The following CRISPLD2 variants were observed in gnomAD, a reference collection of about 807,000 sequenced individuals.
CRISPLD2 encodes the protein cysteine rich secretory protein LCCL domain containing 2.
In CRISPLD2, 47 loss-of-function variants were observed where a neutral mutation model predicts 71.1. The ratio of observed to expected loss-of-function variants is 0.66; its 90% CI spans 0.52 to 0.84. The LOEUF (loss-of-function observed/expected upper bound fraction) is 0.84. CRISPLD2 is among the 40% of genes least tolerant of loss of function. The pLI is 0.00. For missense variants in CRISPLD2, 830 were observed against 651.1 expected, an observed-to-expected ratio of 1.27 and a Z score of -2.99; for synonymous variants, 317 against 250.1, an observed-to-expected ratio of 1.27 and a Z score of -2.52.
chr16:84,884,697 G>A (rs1436471177), intron 13 of CRISPLD2, among the ~76,000 whole-genome samples: 1 of 152,166 alleles, frequency 6.6e-6, no homozygotes, highest in Non-Finnish European at 1.5e-5. Context: ...GGCGGTACCG[G>A]GCCTGTGGAG....
At chr16:84,841,048 T>G (rs982952208) in intron 2 of CRISPLD2, among the ~76,000 whole-genome samples, 1 of 152,134 alleles carries the variant, frequency 6.6e-6, no homozygotes, top group Non-Finnish European at 1.5e-5. Flanking sequence ...CCAGGAAGTA[T>G]TTGTGGAGCA....
At chr16:84,888,082 A>T (rs1472781330) in intron 13 of CRISPLD2, among the ~76,000 whole-genome samples, 1 of 152,208 alleles carries the variant, frequency 6.6e-6, no homozygotes, top group Non-Finnish European at 1.5e-5. Flanking sequence ...CAGTTCTGGA[A>T]GCCAGAAGTC....
chr16:84,869,230 G>A (rs1370085351), intron 8 of CRISPLD2, among the ~76,000 whole-genome samples: 3 of 152,146 alleles, frequency 2.0e-5, no homozygotes, highest in African/African-American at 7.2e-5. Context: ...TTCAGATGAT[G>A]AACGCTGTCT....
chr16:84,824,202 A>G (rs972166921), intron 1 of CRISPLD2, among the ~76,000 whole-genome samples: 1 of 151,906 alleles, frequency 6.6e-6, no homozygotes, highest in Non-Finnish European at 1.5e-5. Flanking sequence ...AGGGCCTGGG[A>G]CTCTTGGAGA....
chr16:84,884,663 G>C (rs1268098327), intron 13 of CRISPLD2, among the ~76,000 whole-genome samples: 1 of 152,214 alleles, frequency 6.6e-6, no homozygotes, highest in African/African-American at 2.4e-5. Flanking sequence ...GTGTTTGCGT[G>C]GGAGATGTGC....
chr16:84,866,440 T>A (rs1380229773), intron 6 of CRISPLD2, among the ~76,000 whole-genome samples: 2 of 152,178 alleles, frequency 1.3e-5, no homozygotes, highest in East Asian at 3.9e-4. Context: ...TTCGCCATGT[T>A]AGCCAGGCTG....
intron 2 of CRISPLD2, among the ~76,000 whole-genome samples, chr16:84,841,662 C>G (rs1162611190): frequency 6.6e-6 from 1 of 151,642 alleles, no homozygotes; most frequent in East Asian, 1.9e-4. Flanking sequence ...GTGGCGTGAT[C>G]TCGGCTCACT....
rs562532236 is a variant in CRISPLD2, at chr16:84,906,768, A to C, written c.*126A>C. 2 of 1,100,938 alleles carry C rather than the reference A, an allele frequency of 1.8e-6. No homozygotes were observed. Among genetic ancestry groups the C allele is most frequent in the East Asian group, 4.8e-5 (2 of 41,288 alleles). 68.2% of individuals were successfully genotyped at this position (1,100,938 alleles called of 1,614,324 possible). ...TTCCTTTGACTGATGTTCAGTGTCC[A>C]TCACTTTGTGGCCTGTGGGTGAGGT... is the stretch of plus-strand genomic sequence containing the variant. On this transcript the variant is annotated 3_prime_UTR_variant, in exon 15 of 15. Transcript: ENST00000262424.
rs2641664 is a variant in CRISPLD2 at position 84,882,265 on chromosome 16, A to G, written c.1305+1681A>G. ...ACTGAATGAGACAAAGTAATGTTAC[A>G]CAATGGCACAGAAGATACAATTTAC... On this transcript the variant is annotated intron_variant, in intron 13 of 14. Coordinates refer to ENST00000262424, the MANE Select transcript of CRISPLD2 (RefSeq NM_031476.4). Among the ~76,000 whole-genome samples the G allele has an allele frequency of 2.6e-5, 4 of 151,810 alleles. No homozygotes were observed. The South Asian group carries it at 8.3e-4, about 32-fold the overall frequency.
intron 6 of CRISPLD2, among the ~76,000 whole-genome samples, chr16:84,862,193 G>A (rs561505762): frequency 2.6e-5 from 4 of 152,072 alleles, no homozygotes; most frequent in East Asian, 1.9e-4. Flanking sequence ...GGGGCGGTGC[G>A]ATTTTCTACC....
At position 84,908,022 on chromosome 16, in the gene CRISPLD2, G is replaced by A. The variant is rs958830758; in HGVS notation, c.*1380G>A. On this transcript the variant is annotated 3_prime_UTR_variant, in exon 15 of 15. Coordinates refer to ENST00000262424, the MANE Select transcript of CRISPLD2 (RefSeq NM_031476.4). ...CAGCCAATAGATCACTTTGGTGAAT[G>A]CTAGTTTCAAATTTGATTCAAAATA... 1 of 152,208 alleles carries A rather than the reference G, an allele frequency of 6.6e-6. No homozygotes were observed. Among genetic ancestry groups the A allele is most frequent in the Non-Finnish European group, 1.5e-5 (1 of 68,042 alleles). 9.4% of individuals were successfully genotyped at this position (152,208 alleles called of 1,614,324 possible).
chr16:84,848,618 T>C (rs925826613), intron 3 of CRISPLD2, among the ~76,000 whole-genome samples: 11 of 152,206 alleles, frequency 7.2e-5, no homozygotes, highest in African/African-American at 2.4e-4. Flanking sequence ...TTTTTGTATT[T>C]TTAGTAGAGA....
chr16:84,872,537 G>A lies in CRISPLD2; in HGVS notation c.981+29G>A, dbSNP rs531398640. ...AGTGTGGCCAGTCCTCCTCTCAATG[G>A]CTTGTGTGGGATCCTGTTGCATATG... is the stretch of plus-strand genomic sequence containing the variant. On this transcript the variant is annotated intron_variant, in intron 9 of 14. Transcript: ENST00000262424. 25 of 1,574,662 alleles carry A rather than the reference G, an allele frequency of 1.6e-5. No homozygotes were observed. The South Asian group carries it at 1.9e-4, about 12-fold the overall frequency.
rs756976159 is a variant in CRISPLD2 at position 84,838,630 on chromosome 16, C to T, written c.135C>T (p.Ser45=). 79 of 1,614,124 alleles carry T rather than the reference C, an allele frequency of 4.9e-5. No individual in the cohort carries two copies. The highest frequency in any genetic ancestry group is 5.9e-5 in the Non-Finnish European group (70 of 1,180,050). Residue 45 remains serine, a synonymous_variant, in exon 2 of 15, where the codon TCC becomes TCT. Transcript: ENST00000262424. ...LSKYQHNESH[S]RVRRAIPRED... is the part of the protein sequence containing the mutation. ...AATACCAGCACAACGAGTCTCACTC[C>T]CGGGTCCGCAGAGCCATCCCCAGGG...
At chr16:84,879,617 C>A (rs186138954) in intron 12 of CRISPLD2, among the ~76,000 whole-genome samples, 22 of 152,148 alleles carry the variant, frequency 1.4e-4, no homozygotes, top group African/African-American at 5.3e-4. Flanking sequence ...CCACCTCGGC[C>A]TCCCAAAGTG....
At chr16:84,898,837 T>C (rs138115378) in intron 14 of CRISPLD2, among the ~76,000 whole-genome samples, 10 of 152,132 alleles carry the variant, frequency 6.6e-5, no homozygotes, top group Non-Finnish European at 1.2e-4. Flanking sequence ...TTCTCACTTA[T>C]AGTCCCAGTT....
intron 14 of CRISPLD2, among the ~76,000 whole-genome samples, chr16:84,897,521 C>G (rs1176833787): frequency 6.6e-6 from 1 of 152,172 alleles, no homozygotes; most frequent in African/African-American, 2.4e-5. Context: ...CACTCAACTT[C>G]CCATACCCAG....
intron 4 of CRISPLD2, 78 bp downstream of exon 4, chr16:84,849,595 A>C: frequency 1.1e-6 from 1 of 884,058 alleles, no homozygotes; most frequent in Non-Finnish European, 1.8e-6. Flanking sequence ...GGGGATTGTC[A>C]AATCTGTAAA....
intron 6 of CRISPLD2, among the ~76,000 whole-genome samples, chr16:84,860,163 C>G (rs564277670): frequency 6.6e-6 from 1 of 152,294 alleles, no homozygotes; most frequent in Admixed American, 6.5e-5. Flanking sequence ...CATATTTCAG[C>G]TAACCAAGCA....
Sources: gnomAD v4.1 joint callset for allele counts (sites outside exome capture counted in the v4.1 genomes callset) on GRCh38, gnomAD v4.1.1 for gene constraint, MANE v1.5 for transcripts, NCBI Gene and HGNC (gene_info 2026-07-23, HGNC 2026-07-21) for gene names.